The following EYA2 variants were observed in gnomAD, a reference collection of about 807,000 sequenced individuals.
The protein encoded by EYA2 is EYA transcriptional coactivator and phosphatase 2.
In EYA2, 31 loss-of-function variants were observed where a neutral mutation model predicts 69.2. The ratio of observed to expected loss-of-function variants is 0.45; its 90% CI spans 0.34 to 0.60. The LOEUF (loss-of-function observed/expected upper bound fraction) is 0.60. Among genes scored for constraint, EYA2 ranks in the 20% least tolerant of loss-of-function variants. The probability of loss-of-function intolerance (pLI) is 0.02; values close to 1 mark genes in which losing one functional copy is unlikely to be tolerated. For synonymous variants in EYA2, 257 were observed against 279.4 expected, an observed-to-expected ratio of 0.92 and a Z score of 0.80; for missense variants, 622 against 701.2, an observed-to-expected ratio of 0.89 and a Z score of 1.28.
intron 1 of EYA2, among the ~76,000 whole-genome samples, chr20:46,952,752 G>A (rs907195978): frequency 5.3e-5 from 8 of 152,098 alleles, no homozygotes; most frequent in Non-Finnish European, 1.2e-4. Flanking sequence ...TGGCTTCCCC[G>A]GGGCAGGGGT....
At chr20:46,913,121 G>A (rs1402567672) in intron 1 of EYA2, among the ~76,000 whole-genome samples, 1 of 152,202 alleles carries the variant, frequency 6.6e-6, no homozygotes, top group Non-Finnish European at 1.5e-5. Context: ...CTCCCACCAT[G>A]GTCACTTACA....
chr20:47,078,362 C>CA (rs1364063715), intron 7 of EYA2, among the ~76,000 whole-genome samples: 6 of 150,474 alleles, frequency 4.0e-5, no homozygotes, highest in African/African-American at 1.5e-4. Context: ...CACACACACA[C>CA]ATTCATGCAC....
chr20:46,973,932 G>A (rs1283221123), intron 1 of EYA2, among the ~76,000 whole-genome samples: 2 of 152,248 alleles, frequency 1.3e-5, no homozygotes, highest in Non-Finnish European at 2.9e-5. Flanking sequence ...TGTAATTAGA[G>A]GAGCTCAGTC....
intron 10 of EYA2, among the ~76,000 whole-genome samples, chr20:47,168,059 A>G (rs971211184): frequency 2.6e-5 from 4 of 152,098 alleles, no homozygotes; most frequent in Admixed American, 1.3e-4. Context: ...GTGCCAGCCA[A>G]CGTCCCCGGG....
intron 7 of EYA2, among the ~76,000 whole-genome samples, chr20:47,074,796 G>A (rs1275839687): frequency 2.0e-5 from 3 of 152,150 alleles, no homozygotes; most frequent in Admixed American, 6.6e-5. Context: ...AGGCCTTGGA[G>A]TTGATGAACC....
chr20:47,155,166 A>G (rs902230978), intron 10 of EYA2, among the ~76,000 whole-genome samples: 4 of 151,864 alleles, frequency 2.6e-5, no homozygotes, highest in Admixed American at 2.0e-4. Context: ...AAGATTTTTC[A>G]TGTCTTTGTA....
intron 9 of EYA2, among the ~76,000 whole-genome samples, chr20:47,122,289 G>GTTTTTTT (rs1180670988): frequency 1.2e-4 from 13 of 110,850 alleles, no homozygotes; most frequent in East Asian, 2.4e-4. Flanking sequence ...TATTTTCTTG[G>GTTTTTTT]TTTTTTTTTT....
At chr20:47,007,616 T>A (rs6094551) in intron 4 of EYA2, among the ~76,000 whole-genome samples, 2 of 151,722 alleles carry the variant, frequency 1.3e-5, no homozygotes, top group Non-Finnish European at 2.9e-5. Context: ...AATTTTATTC[T>A]TATTTTTATT....
chr20:46,966,604 C>G (rs1465032977), intron 1 of EYA2, among the ~76,000 whole-genome samples: 2 of 152,122 alleles, frequency 1.3e-5, no homozygotes, highest in East Asian at 1.9e-4. Context: ...GTCAGGACAT[C>G]GAGACCGTCC....
At chr20:47,039,425 A>G (rs758511718) in intron 5 of EYA2, among the ~76,000 whole-genome samples, 4 of 152,348 alleles carry the variant, frequency 2.6e-5, no homozygotes, top group Admixed American at 2.0e-4. Flanking sequence ...TCCTATCACA[A>G]AGGCAGAACT....
chr20:46,991,745 G>A (rs536393970), intron 2 of EYA2, among the ~76,000 whole-genome samples: 76 of 152,206 alleles, frequency 5.0e-4, no homozygotes, highest in Middle Eastern at 3.4e-3. Context: ...CAAGGCAGGC[G>A]GATCACGAGG....
chr20:47,179,554 GTGGA>G (rs1297127197), intron 12 of EYA2, among the ~76,000 whole-genome samples: 3 of 131,242 alleles, frequency 2.3e-5, no homozygotes, highest in South Asian at 2.4e-4. Flanking sequence ...GGATAGGTGG[GTGGA>G]TGGATGGATG....
chr20:46,975,731 A>G (rs935652300), intron 1 of EYA2, among the ~76,000 whole-genome samples: 3 of 152,222 alleles, frequency 2.0e-5, no homozygotes, highest in African/African-American at 4.8e-5. Context: ...CCTGGCCAAC[A>G]TGGCAAAACC....
chr20:47,032,799 T>C (rs1412832496), intron 5 of EYA2, among the ~76,000 whole-genome samples: 2 of 152,244 alleles, frequency 1.3e-5, no homozygotes, highest in East Asian at 3.8e-4. Flanking sequence ...AGTGCTTCCT[T>C]GCTTTGGCTA....
At chr20:47,097,014 A>G in intron 8 of EYA2, 71 bp from the exon 9 acceptor site, 1 of 1,110,668 alleles carries the variant, frequency 9.0e-7, no homozygotes, top group South Asian at 1.4e-5. Context: ...AAGGGAATGA[A>G]TTTCTGCAGA....
intron 9 of EYA2, among the ~76,000 whole-genome samples, chr20:47,135,837 A>C (rs1162035853): frequency 1.2e-5 from 1 of 82,430 alleles, no homozygotes; most frequent in Non-Finnish European, 2.2e-5. Context: ...AAAAAAAAAA[A>C]AAAACAAACA....
intron 1 of EYA2, among the ~76,000 whole-genome samples, chr20:46,975,208 A>G (rs188240297): frequency 1.4e-4 from 22 of 152,316 alleles, no homozygotes; most frequent in Admixed American, 3.9e-4. Context: ...GTGTGATAAA[A>G]TGACACAGAG....
chr20:47,026,279 G>A (rs1984077831), intron 5 of EYA2, among the ~76,000 whole-genome samples: 1 of 152,134 alleles, frequency 6.6e-6, no homozygotes, highest in East Asian at 1.9e-4. Flanking sequence ...AATCCAAATG[G>A]ATTGACGGTT....
intron 1 of EYA2, among the ~76,000 whole-genome samples, chr20:46,980,662 A>G (rs974797097): frequency 6.6e-6 from 1 of 152,204 alleles, no homozygotes; most frequent in African/African-American, 2.4e-5. Flanking sequence ...GTGATAAACT[A>G]TTGTTAATTA....
Sources: gnomAD v4.1 joint callset for allele counts (sites outside exome capture counted in the v4.1 genomes callset) on GRCh38, gnomAD v4.1.1 for gene constraint, MANE v1.5 for transcripts, NCBI Gene and HGNC (gene_info 2026-07-23, HGNC 2026-07-21) for gene names.